Variants in IQGAP3 observed in about 807,000 individuals in gnomAD.
The protein encoded by IQGAP3 is IQ motif containing GTPase activating protein 3, also known as ras GTPase-activating-like protein IQGAP3.
IQGAP3 carries 165 observed loss-of-function variants against 208.2 expected under a neutral mutation model. That is an observed-to-expected ratio of 0.79 (90% CI 0.70 to 0.90). IQGAP3 has a LOEUF of 0.90. IQGAP3 is among the 40% of genes least tolerant of loss of function. IQGAP3 has a pLI of 0.00. For missense variants in IQGAP3, 1,811 were observed against 2,043.1 expected, an observed-to-expected ratio of 0.89 and a Z score of 2.19; for synonymous variants, 703 against 803.6, an observed-to-expected ratio of 0.87 and a Z score of 2.12.
In IQGAP3 at chr1:156,539,428, CG is replaced by C; in HGVS notation, c.3001del (p.Arg1001GlufsTer29). On this transcript the variant is annotated frameshift_variant, in exon 25 of 38. Coordinates refer to ENST00000361170, the MANE Select transcript of IQGAP3 (RefSeq NM_178229.5). LOFTEE classifies it high-confidence loss of function. ...FSLYNYASSRREAYLLLQLFK... is the reference protein window; with the variant it reads ...FSLYNYASSRXEAYLLLQLFK... ...CAGCTGGAGCAGGAGATAGGCCTCT[CG>C]GCGGCTGGAGGCATAGTTGTACAGG... 6.2e-7 allele frequency: 1 copy of C among 1,614,028 alleles called. No homozygotes were observed. Among genetic ancestry groups the C allele is most frequent in the Non-Finnish European group, 8.5e-7 (1 of 1,179,940 alleles).
chr1:156,570,756 C>T (rs985600080), intron 1 of IQGAP3, among the ~76,000 whole-genome samples: 19 of 152,322 alleles, frequency 1.2e-4, no homozygotes, highest in Admixed American at 7.8e-4. Flanking sequence ...GTGATCCTCC[C>T]GCCTTGGCCT....
intron 37 of IQGAP3, among the ~76,000 whole-genome samples, chr1:156,527,305 C>T (rs1377124823): frequency 1.3e-5 from 2 of 151,646 alleles, no homozygotes; most frequent in East Asian, 2.0e-4. Context: ...CATGGTGAAA[C>T]CCCATCTCTA....
intron 11 of IQGAP3, 24 bp downstream of exon 11, chr1:156,560,910 G>T (rs199521612): frequency 1.3e-6 from 2 of 1,531,262 alleles, no homozygotes; most frequent in South Asian, 2.2e-5. Flanking sequence ...CACAGAGCAG[G>T]CCTCAGACCT....
intron 33 of IQGAP3, among the ~76,000 whole-genome samples, chr1:156,530,615 T>C (rs1674346716): frequency 6.6e-6 from 1 of 152,086 alleles, no homozygotes; most frequent in Non-Finnish European, 1.5e-5. Context: ...CATAAAGGAT[T>C]CCGGACAGAC....
At position 156,554,278 on chromosome 1, in the gene IQGAP3, G is replaced by T. The variant is rs572375123; in HGVS notation, c.1405C>A (p.Pro469Thr). The T allele has an allele frequency of 1.9e-6, 3 of 1,613,814 alleles. No homozygotes were observed. The highest frequency in any genetic ancestry group is 3.3e-5 in the Admixed American group (2 of 59,900). The change falls in exon 13 of 38, where the codon CCT becomes ACT. Residue 469 changes from proline to threonine, a missense_variant. By Grantham distance (38) the Pro-to-Thr change is conservative (BLOSUM62 -1). Coordinates refer to ENST00000361170, the MANE Select transcript of IQGAP3 (RefSeq NM_178229.5). ...ASGFWSSLVNPATGLAEVEGE... is the reference protein window; with the variant it reads ...ASGFWSSLVNTATGLAEVEGE... ...TCCACCTCAGCCAGGCCTGTGGCAG[G>T]GTTCACCAGGCTGCTCCAGAAGCCA...
At chr1:156,567,793 G>A (rs903132833) in intron 2 of IQGAP3, among the ~76,000 whole-genome samples, 4 of 152,306 alleles carry the variant, frequency 2.6e-5, no homozygotes, top group East Asian at 3.9e-4. Flanking sequence ...TGTACAGATT[G>A]ACTTTTAGAG....
intron 11 of IQGAP3, among the ~76,000 whole-genome samples, chr1:156,559,950 C>G (rs78813039): frequency 6.6e-6 from 1 of 152,300 alleles, no homozygotes; most frequent in Non-Finnish European, 1.5e-5. Context: ...CGGGAATGAA[C>G]TGAGTGGATT....
intron 25 of IQGAP3, 76 bp from the exon 26 acceptor site, chr1:156,539,109 T>TTTCCTTTTGAGA: frequency 7.4e-7 from 1 of 1,357,446 alleles, no homozygotes; most frequent in Non-Finnish European, 1.0e-6. Context: ...TTTTTGAGAT[T>TTTCCTTTTGAGA]TTGGCTCTCA....
intron 35 of IQGAP3, 42 bp from the exon 36 acceptor site, chr1:156,528,652 T>C (rs769540135): frequency 1.3e-6 from 2 of 1,485,292 alleles, no homozygotes; most frequent in East Asian, 4.5e-5. Flanking sequence ...CAATAAACAC[T>C]TTACCACCAA....
intron 22 of IQGAP3, 128 bp from the exon 23 acceptor site, chr1:156,541,044 C>T: frequency 1.4e-6 from 1 of 698,112 alleles, no homozygotes; most frequent in Non-Finnish European, 2.5e-6. Context: ...AACCCCAGTC[C>T]TCTTCTAACT....
At chr1:156,547,388 G>GACACACACACACACAC (rs61344699) in intron 19 of IQGAP3, among the ~76,000 whole-genome samples, 35 of 147,410 alleles carry the variant, frequency 2.4e-4, no homozygotes, top group African/African-American at 4.5e-4. Flanking sequence ...CAGACACACA[G>GACACACACACACACAC]ACACACACAC....
chr1:156,535,242 C>T lies in IQGAP3; in HGVS notation c.3428G>A (p.Gly1143Glu), dbSNP rs554360086. 2 of 1,610,340 alleles carry T rather than the reference C, an allele frequency of 1.2e-6. No homozygotes were observed. The highest frequency in any genetic ancestry group is 2.2e-5 in the South Asian group (2 of 90,826). ...CAGGACTTTGGCCACATATCGCATC[C>T]CATACCTGGGGACAAAGAAACAGGT... ...ITSSVDQIPYGMRYVAKVLKA... is the reference protein window; with the variant it reads ...ITSSVDQIPYEMRYVAKVLKA... Residue 1143 changes from glycine (G) to glutamate (E), a missense_variant, in exon 28 of 38, where the codon GGG becomes GAG. Coordinates refer to ENST00000361170, the MANE Select transcript of IQGAP3 (RefSeq NM_178229.5).
rs1393695044 is a variant in IQGAP3, at chr1:156,543,864, A to G, written c.2530+117T>C. 3 of 850,516 alleles carry G rather than the reference A, an allele frequency of 3.5e-6. No individual in the cohort carries two copies. In the Admixed American group the frequency reaches 5.5e-5, roughly 16 times the overall value. 52.7% of individuals were successfully genotyped at this position (850,516 alleles called of 1,614,324 possible). A position where few individuals can be genotyped will look rare whatever the true frequency, so the allele number is the denominator to read the frequency against. ...CCTGTTCCATGCTCCTGCACAGACAACTTGTGACTACCTTCCCCTTACCTG... is the reference window on the plus strand; with the variant it reads ...CCTGTTCCATGCTCCTGCACAGACAGCTTGTGACTACCTTCCCCTTACCTG... On this transcript the variant is annotated intron_variant, in intron 22 of 37. Transcript: ENST00000361170.
At chr1:156,531,697 C>A (rs1238063201) in intron 32 of IQGAP3, among the ~76,000 whole-genome samples, 1 of 151,524 alleles carries the variant, frequency 6.6e-6, no homozygotes, top group African/African-American at 2.4e-5. Flanking sequence ...CTCTGCCTCC[C>A]AGGTTCAAGT....
At chr1:156,536,433 G>T (rs1391061102) in intron 27 of IQGAP3, among the ~76,000 whole-genome samples, 1 of 152,158 alleles carries the variant, frequency 6.6e-6, no homozygotes, top group Non-Finnish European at 1.5e-5. Flanking sequence ...TGATTTCACA[G>T]GAGTAGAGAG....
chr1:156,548,874 G>A (rs1056963105), intron 16 of IQGAP3, 126 bp from the exon 17 acceptor site: 2 of 930,342 alleles, frequency 2.1e-6, no homozygotes, highest in East Asian at 2.8e-5. Flanking sequence ...AGGAGTAGAC[G>A]GGAACATCCC....
rs768818979 is a variant in IQGAP3, at chr1:156,526,553, A to G, written c.4829T>C (p.Phe1610Ser). ...GTTGACATTGACTTTGGCCTTGTTG[A>G]AGAGTTTCATGACAGCCACACCCTC... ...QYEGVAVMKLFNKAKVNVNLL... is the reference protein window; with the variant it reads ...QYEGVAVMKLSNKAKVNVNLL... The change falls in exon 38 of 38, where the codon TTC becomes TCC. Residue 1610 changes from phenylalanine to serine, a missense_variant. By Grantham distance (155) the Phe-to-Ser change is radical. Transcript: ENST00000361170. 1 of 1,614,200 alleles carries G rather than the reference A, an allele frequency of 6.2e-7. No individual in the cohort carries two copies. Among genetic ancestry groups the G allele is most frequent in the Admixed American group, 1.7e-5 (1 of 60,032 alleles).
At position 156,538,363 on chromosome 1, in the gene IQGAP3, A is replaced by G. The variant is rs1280155528; in HGVS notation, c.3281+446T>C. 2.6e-5 allele frequency among the ~76,000 whole-genome samples: 4 copies of G among 151,116 alleles called. No individual in the cohort carries two copies. The East Asian group carries it at 7.8e-4, about 29-fold the overall frequency. ...GCGTGAGCCACCACGCCTGACCTAC[A>G]TTTTTAGTAGAGATAGAGTTTCACC... On this transcript the variant is annotated intron_variant, in intron 26 of 37. Coordinates refer to ENST00000361170, the MANE Select transcript of IQGAP3 (RefSeq NM_178229.5).
chr1:156,528,508 C>T lies in IQGAP3; in HGVS notation c.4673+1G>A. Reference sequence around the variant, plus strand: ...ACATCCTGCCCTCCAAAGACACATACTGAGAGGCGGGAAGATCTTCAATTT... The same window carrying T: ...ACATCCTGCCCTCCAAAGACACATATTGAGAGGCGGGAAGATCTTCAATTT... On this transcript the variant is annotated splice_donor_variant, in intron 36 of 37. Transcript: ENST00000361170. LOFTEE classifies it high-confidence loss of function. 1 of 1,611,568 alleles carries T rather than the reference C, an allele frequency of 6.2e-7. No homozygotes were observed. Among genetic ancestry groups the T allele is most frequent in the Non-Finnish European group, 8.5e-7 (1 of 1,177,812 alleles).
Sources: allele counts gnomAD v4.1 joint callset (sites outside exome capture counted in the v4.1 genomes callset), GRCh38; gene constraint gnomAD v4.1.1; transcripts MANE v1.5; gene names NCBI Gene and HGNC (gene_info 2026-07-23, HGNC 2026-07-21).